The following SLC2A13 variants were observed in gnomAD, a reference collection of about 807,000 sequenced individuals.
SLC2A13 encodes the protein proton myo-inositol cotransporter.
Under a neutral mutation model 64.4 loss-of-function variants are expected in SLC2A13, and 32 were observed. That is an observed-to-expected ratio of 0.50 (90% CI 0.37 to 0.67). The LOEUF (loss-of-function observed/expected upper bound fraction) is 0.67, where lower values mean the gene tolerates loss of function less well. Among genes scored for constraint, SLC2A13 ranks in the 30% least tolerant of loss-of-function variants. The pLI, the probability that SLC2A13 is intolerant of heterozygous loss-of-function variation, is 0.00. For missense variants in SLC2A13, 743 were observed against 829.2 expected, an observed-to-expected ratio of 0.90 and a Z score of 1.28; for synonymous variants, 338 against 327.1, an observed-to-expected ratio of 1.03 and a Z score of -0.36.
At chr12:39,887,748 T>A (rs1592243137) in intron 4 of SLC2A13, among the ~76,000 whole-genome samples, 1 of 152,204 alleles carries the variant, frequency 6.6e-6, no homozygotes, top group Non-Finnish European at 1.5e-5. Context: ...TTTAAAAAAA[T>A]TCCAGATTTT....
At chr12:40,094,323 G>A (rs921563413) in intron 1 of SLC2A13, among the ~76,000 whole-genome samples, 1 of 152,162 alleles carries the variant, frequency 6.6e-6, no homozygotes, top group African/African-American at 2.4e-5. Flanking sequence ...GGTATTCCAA[G>A]CCATGAGACA....
At chr12:39,876,503 G>A (rs1326807686) in intron 4 of SLC2A13, among the ~76,000 whole-genome samples, 6 of 151,920 alleles carry the variant, frequency 3.9e-5, no homozygotes, top group Non-Finnish European at 4.4e-5. Context: ...TTTATCTACC[G>A]TAAATTTTTG....
At position 39,755,926 on chromosome 12, in the gene SLC2A13, A is replaced by C. The variant is rs139087108; in HGVS notation, c.*4100T>G. ...ACCTCTTTGATGATTACTGGCACAC[A>C]AAAATTTCCTTCTCTAAAGAGACAA... On this transcript the variant is annotated 3_prime_UTR_variant, in exon 10 of 10. Coordinates refer to ENST00000280871, the MANE Select transcript of SLC2A13 (RefSeq NM_052885.4). 6.6e-6 allele frequency: 1 copy of C among 152,166 alleles called. No individual in the cohort carries two copies. The highest frequency in any genetic ancestry group is 1.5e-5 in the Non-Finnish European group (1 of 67,840). 9.4% of individuals were successfully genotyped at this position (152,166 alleles called of 1,614,324 possible). A position where few individuals can be genotyped will look rare whatever the true frequency, so the allele number is the denominator to read the frequency against.
chr12:39,830,760 C>T (rs1942829908), intron 6 of SLC2A13, among the ~76,000 whole-genome samples: 1 of 152,088 alleles, frequency 6.6e-6, no homozygotes, highest in African/African-American at 2.4e-5. Context: ...AATACTACTA[C>T]TCAAATATGG....
intron 6 of SLC2A13, among the ~76,000 whole-genome samples, chr12:39,858,014 G>T (rs141653269): frequency 6.6e-6 from 1 of 152,168 alleles, no homozygotes; most frequent in Non-Finnish European, 1.5e-5. Flanking sequence ...CCAAGTGGGG[G>T]ATTTGTAAGT....
At chr12:40,016,591 C>T (rs1947626295) in intron 3 of SLC2A13, among the ~76,000 whole-genome samples, 1 of 152,090 alleles carries the variant, frequency 6.6e-6, no homozygotes, top group African/African-American at 2.4e-5. Flanking sequence ...CATAGGCTCA[C>T]CTTTCATAGT....
chr12:40,048,015 G>T, intron 2 of SLC2A13, 36 bp downstream of exon 2: 1 of 1,547,774 alleles, frequency 6.5e-7, no homozygotes, highest in Non-Finnish European at 8.7e-7. Flanking sequence ...CCAAAATCAA[G>T]ATTTGAAAAA....
intron 7 of SLC2A13, among the ~76,000 whole-genome samples, chr12:39,797,199 T>C (rs993777323): frequency 2.0e-5 from 3 of 152,206 alleles, no homozygotes; most frequent in Non-Finnish European, 4.4e-5. Flanking sequence ...GCAAGCCTGA[T>C]TTAAAGTAAG....
At position 39,893,592 on chromosome 12, in the gene SLC2A13, C is replaced by T. The variant is rs559821222; in HGVS notation, c.1035-21631G>A. Among the ~76,000 whole-genome samples, 72 of 152,282 alleles carry T rather than the reference C, an allele frequency of 4.7e-4. 2 individuals carry two copies. Among genetic ancestry groups the T allele is most frequent in the Admixed American group, 2.9e-3 (45 of 15,290 alleles). On this transcript the variant is annotated intron_variant, in intron 4 of 9. Transcript: ENST00000280871. ...TGGAATTACAGGCATGGAGCCACCA[C>T]GCCAGGCCTACCGCTCTTTTCTAAT...
At chr12:39,957,917 A>G (rs1946344723) in intron 3 of SLC2A13, among the ~76,000 whole-genome samples, 1 of 152,168 alleles carries the variant, frequency 6.6e-6, no homozygotes, top group African/African-American at 2.4e-5. Flanking sequence ...GTCATCCACC[A>G]AAACAAAACA....
At chr12:39,893,662 A>C (rs570060746) in intron 4 of SLC2A13, among the ~76,000 whole-genome samples, 4 of 152,298 alleles carry the variant, frequency 2.6e-5, no homozygotes, top group Non-Finnish European at 5.9e-5. Context: ...TAAAAGTTAA[A>C]TTCTAACTAG....
intron 3 of SLC2A13, among the ~76,000 whole-genome samples, chr12:39,989,684 A>G (rs1947098349): frequency 6.6e-6 from 1 of 152,232 alleles, no homozygotes; most frequent in African/African-American, 2.4e-5. Flanking sequence ...GGCTAAAAAT[A>G]TCATCGCCAT....
intron 3 of SLC2A13, among the ~76,000 whole-genome samples, chr12:39,993,348 T>C (rs1008355535): frequency 2.0e-5 from 3 of 152,230 alleles, no homozygotes; most frequent in African/African-American, 7.2e-5. Flanking sequence ...CTAATAAACA[T>C]AAAAGGCAAG....
At chr12:39,918,616 G>A (rs993063537) in intron 4 of SLC2A13, among the ~76,000 whole-genome samples, 2 of 152,066 alleles carry the variant, frequency 1.3e-5, no homozygotes, top group South Asian at 2.1e-4. Context: ...CTCCCAGAGA[G>A]CTGCTCAACA....
At position 39,988,691 on chromosome 12, in the gene SLC2A13, GAGGAAGGA is replaced by G. The variant is rs539712670; in HGVS notation, c.926-37334_926-37327del. On this transcript the variant is annotated intron_variant, in intron 3 of 9. Transcript: ENST00000280871. The stretch of plus-strand genomic sequence containing the variant: ...GGAGGGAGGGAAGAAGGGAGGGAGG[GAGGAAGGA>G]AGGAAGGAAGGAAGGAAGGAAGGAA... 4.0e-3 allele frequency among the ~76,000 whole-genome samples: 322 copies of G among 80,050 alleles called. 5 individuals carry two copies. Among genetic ancestry groups the G allele is most frequent in the African/African-American group, 0.011 (224 of 21,278 alleles). The allele number at this position is 80,050 out of a possible 152,430, so 52.5% of individuals were successfully genotyped here.
chr12:39,901,273 A>G (rs2136016734), intron 4 of SLC2A13, among the ~76,000 whole-genome samples: 2 of 152,356 alleles, frequency 1.3e-5, no homozygotes, highest in Middle Eastern at 3.4e-3. Flanking sequence ...TTCAGGACAT[A>G]GGCATGGGCA....
chr12:39,813,044 C>T (rs1942236561), intron 7 of SLC2A13, among the ~76,000 whole-genome samples: 1 of 89,674 alleles, frequency 1.1e-5, no homozygotes, highest in African/African-American at 4.2e-5. Flanking sequence ...GGGGTTTCAC[C>T]ATGTTGGCCA....
At chr12:39,877,067 C>T (rs1944202132) in intron 4 of SLC2A13, among the ~76,000 whole-genome samples, 1 of 152,080 alleles carries the variant, frequency 6.6e-6, no homozygotes, top group Non-Finnish European at 1.5e-5. Flanking sequence ...AATGCCATTA[C>T]ATTAAAAGAG....
At chr12:39,916,182 A>C (rs1592280680) in intron 4 of SLC2A13, among the ~76,000 whole-genome samples, 1 of 151,870 alleles carries the variant, frequency 6.6e-6, no homozygotes, top group East Asian at 1.9e-4. Flanking sequence ...TTTAAATTAC[A>C]GTATGGTTTT....
Sources: gnomAD v4.1 joint callset for allele counts (sites outside exome capture counted in the v4.1 genomes callset) on GRCh38, gnomAD v4.1.1 for gene constraint, MANE v1.5 for transcripts, NCBI Gene and HGNC (gene_info 2026-07-23, HGNC 2026-07-21) for gene names.